Variants in NADK observed in about 807,000 individuals in gnomAD.
NADK encodes NAD kinase.
NADK carries 22 observed loss-of-function variants against 49.8 expected under a neutral mutation model. That is an observed-to-expected ratio of 0.44 (90% CI 0.32 to 0.63). The LOEUF (loss-of-function observed/expected upper bound fraction) is 0.63, where lower values mean the gene tolerates loss of function less well. NADK is among the 30% of genes least tolerant of loss of function. NADK has a pLI of 0.06. For synonymous variants in NADK, 268 were observed against 253.7 expected, an observed-to-expected ratio of 1.06 and a Z score of -0.54; for missense variants, 438 against 609.4, an observed-to-expected ratio of 0.72 and a Z score of 2.96.
intron 5 of NADK, 58 bp downstream of exon 5, chr1:1,756,445 T>G: frequency 6.2e-7 from 1 of 1,612,192 alleles, no homozygotes; most frequent in Non-Finnish European, 8.5e-7. Flanking sequence ...GCCAGAAGCT[T>G]CCAATGGGGC....
chr1:1,779,561 C>T (rs951593344), upstream of NADK, among the ~76,000 whole-genome samples: 1 of 152,162 alleles, frequency 6.6e-6, no homozygotes, highest in African/African-American at 2.4e-5. Flanking sequence ...TCACTGCAGC[C>T]TTGACCTCTC....
intron 1 of NADK, among the ~76,000 whole-genome samples, chr1:1,769,103 T>C (rs1005510135): frequency 6.6e-6 from 1 of 152,196 alleles, no homozygotes; most frequent in South Asian, 2.1e-4. Context: ...ACTGTCCCAG[T>C]GGGTCAATAT....
intron 1 of NADK, among the ~76,000 whole-genome samples, chr1:1,772,970 G>A (rs188415803): frequency 1.3e-5 from 2 of 151,254 alleles, no homozygotes; most frequent in Admixed American, 6.6e-5. Context: ...GAACCTGGGA[G>A]GGGGAGGTTG....
chr1:1,761,052 G>A (rs1290781587), intron 3 of NADK, among the ~76,000 whole-genome samples: 1 of 152,128 alleles, frequency 6.6e-6, no homozygotes, highest in African/African-American at 2.4e-5. Context: ...GAGTGCAATG[G>A]TGCGATCTTC....
chr1:1,752,928 CTCCTCCTCG>C lies in NADK; in HGVS notation c.1308_1316del (p.Phe436_Glu439delinsLeu), dbSNP rs1557829041. On this transcript the variant is annotated inframe_deletion, in exon 12 of 12. Coordinates refer to ENST00000341426, the MANE Select transcript of NADK (RefSeq NM_023018.5). ...CCTAGCCCTCCTCCTCCTCCTCCTCCTCCTCCTCGAAGTGGGCTTGCTTCTTCCGGACGT... is the reference window on the plus strand; with the variant it reads ...CCTAGCCCTCCTCCTCCTCCTCCTCCAAGTGGGCTTGCTTCTTCCGGACGT... 6.2e-7 allele frequency: 1 copy of C among 1,603,100 alleles called. No homozygotes were observed.
intron 3 of NADK, among the ~76,000 whole-genome samples, chr1:1,757,734 T>C (rs1009947144): frequency 5.3e-5 from 8 of 152,142 alleles, no homozygotes; most frequent in African/African-American, 1.9e-4. Flanking sequence ...CCCAAACCAG[T>C]TGACATGGTG....
intron 1 of NADK, among the ~76,000 whole-genome samples, chr1:1,774,449 T>C (rs984675136): frequency 6.6e-6 from 1 of 152,092 alleles, no homozygotes; most frequent in Non-Finnish European, 1.5e-5. Flanking sequence ...ATGGAGGGGT[T>C]TCTCCATGTT....
At chr1:1,777,204 C>T (rs1488786796) in intron 1 of NADK, among the ~76,000 whole-genome samples, 1 of 152,110 alleles carries the variant, frequency 6.6e-6, no homozygotes, top group Non-Finnish European at 1.5e-5. Flanking sequence ...CGTGCTAACA[C>T]CATAAAGTGG....
intron 3 of NADK, among the ~76,000 whole-genome samples, chr1:1,760,270 C>T (rs911818996): frequency 1.3e-5 from 2 of 152,198 alleles, no homozygotes; most frequent in Non-Finnish European, 1.5e-5. Flanking sequence ...GAACCAGTGG[C>T]ACTGAAAGGG....
At chr1:1,774,551 G>A (rs1486799123) in intron 1 of NADK, among the ~76,000 whole-genome samples, 1 of 151,892 alleles carries the variant, frequency 6.6e-6, no homozygotes, top group African/African-American at 2.4e-5. Flanking sequence ...ACCGCGCACG[G>A]CCACCATTAT....
chr1:1,773,018 G>A (rs377214514), intron 1 of NADK, among the ~76,000 whole-genome samples: 1 of 144,978 alleles, frequency 6.9e-6, no homozygotes, highest in African/African-American at 2.6e-5. Context: ...TCCAGCCTGG[G>A]CAACAAGAGC....
intron 3 of NADK, chr1:1,759,628 G>A (rs1645650426): frequency 1.6e-6 from 2 of 1,271,204 alleles, no homozygotes; most frequent in African/African-American, 3.0e-5. Context: ...AGCGGGGATG[G>A]GAAGCGGGAG....
chr1:1,753,137 C>G (rs1645382137), intron 11 of NADK, 77 bp from the exon 12 acceptor site: 1 of 1,505,330 alleles, frequency 6.6e-7, no homozygotes, highest in Admixed American at 2.1e-5. Flanking sequence ...TCCTCCCTCC[C>G]TCCCTGGGAA....
At chr1:1,757,993 C>A (rs1001270849) in intron 3 of NADK, among the ~76,000 whole-genome samples, 1 of 152,340 alleles carries the variant, frequency 6.6e-6, no homozygotes, top group African/African-American at 2.4e-5. Flanking sequence ...GGGCCCACCC[C>A]GGTGGGATTC....
chr1:1,754,635 T>G lies in NADK; in HGVS notation c.752A>C (p.Lys251Thr). 1 of 1,613,834 alleles carries G rather than the reference T, an allele frequency of 6.2e-7. No homozygotes were observed. Among genetic ancestry groups the G allele is most frequent in the Non-Finnish European group, 8.5e-7 (1 of 1,179,850 alleles). The part of the protein sequence containing the change: ...KVRVVKELRG[K>T]KTAVHNGLGE... Reference sequence around the variant, plus strand: ...CAGCCCATTGTGCACGGCCGTCTTCTTCCCCCGGAGCTCCTTCACCACCCT... The same window carrying G: ...CAGCCCATTGTGCACGGCCGTCTTCGTCCCCCGGAGCTCCTTCACCACCCT... The change falls in exon 8 of 12, where the codon AAG becomes ACG. Residue 251 changes from lysine to threonine, a missense_variant. Physicochemically the swap from Lys to Thr is moderately conservative, Grantham distance 78. Coordinates refer to ENST00000341426, the MANE Select transcript of NADK (RefSeq NM_023018.5). This position sits in a 1 kb window ranked among gnomAD's most constrained non-coding sequence, Gnocchi z 4.3.
Position 1,754,093 on chromosome 1 carries a change from C to T in NADK, c.1059G>A (p.Leu353=). ...IMITPICPHS[L]SFRPIVVPAG... ...CGGGGACCACGATGGGCCGGAAGGA[C>T]AGCGAGTGGGGGCAGATGGGCGTGA... Residue 353 remains leucine (L), a synonymous_variant, in exon 10 of 12, where the codon CTG becomes CTA. Coordinates refer to ENST00000341426, the MANE Select transcript of NADK (RefSeq NM_023018.5). The surrounding 1 kb of genome is among the most constrained non-coding windows in gnomAD (Gnocchi z 4.3). The T allele has an allele frequency of 6.2e-7, 1 of 1,605,424 alleles. No homozygotes were observed. Among genetic ancestry groups the T allele is most frequent in the Non-Finnish European group, 8.5e-7 (1 of 1,175,604 alleles).
At position 1,755,453 on chromosome 1, in the gene NADK, G is replaced by C. The variant is rs774170380; in HGVS notation, c.609C>G (p.Ala203=). 8 of 1,613,964 alleles carry C rather than the reference G, an allele frequency of 5.0e-6. No individual in the cohort carries two copies. The highest frequency in any genetic ancestry group is 5.9e-6 in the Non-Finnish European group (7 of 1,179,998). The change falls in exon 7 of 12, where the codon GCC becomes GCG. Residue 203 remains alanine (A), a synonymous_variant. Transcript: ENST00000341426. The part of the protein sequence containing the change: ...LFQGSVPPVM[A]FHLGSLGFLT... ...GGAAGCCCAGGGAGCCCAGGTGGAA[G>C]GCCATGACCGGAGGGACGCTGCCCT... is the stretch of plus-strand genomic sequence containing the variant.
intron 4 of NADK, 33 bp downstream of exon 4, chr1:1,757,148 A>AACCC: frequency 1.2e-5 from 10 of 859,192 alleles, no homozygotes; most frequent in Admixed American, 7.0e-5. Context: ...CTCCATGTGC[A>AACCC]CCCCAGGCCC....
chr1:1,762,091 A>T, intron 2 of NADK, 56 bp from the exon 3 acceptor site: 1 of 1,448,422 alleles, frequency 6.9e-7, no homozygotes, highest in Non-Finnish European at 9.7e-7. Flanking sequence ...ACATGCAGTG[A>T]CAGACACAGA....
Sources: allele counts gnomAD v4.1 joint callset (sites outside exome capture counted in the v4.1 genomes callset), GRCh38; gene constraint gnomAD v4.1.1; non-coding constraint Gnocchi (gnomAD v3.1); transcripts MANE v1.5; gene names NCBI Gene and HGNC (gene_info 2026-07-23, HGNC 2026-07-21).